CCSER1: variants seen among roughly 807,000 people sequenced by gnomAD.
CCSER1 encodes the protein serine-rich coiled-coil domain-containing protein 1.
In CCSER1, 41 loss-of-function variants were observed where a neutral mutation model predicts 82.0. That is an observed-to-expected ratio of 0.50 (90% CI 0.39 to 0.65). The LOEUF is 0.65. Ranked by LOEUF, CCSER1 falls within the 30% of genes least tolerant of loss-of-function variation. The pLI is 0.00. For synonymous variants in CCSER1, 414 were observed against 383.9 expected (o/e 1.08, Z -0.92); for missense variants, 1,119 against 1,064.2 (o/e 1.05, Z -0.72).
intron 8 of CCSER1, among the ~76,000 whole-genome samples, chr4:90,898,560 T>A (rs1724115095): frequency 6.6e-6 from 1 of 151,788 alleles, no homozygotes; most frequent in South Asian, 2.1e-4. Context: ...AGTGGTGGAA[T>A]TACAGGTGTG....
intron 5 of CCSER1, among the ~76,000 whole-genome samples, chr4:90,556,854 G>GTA (rs56675984): frequency 0.18 from 26,690 of 145,924 alleles, 2,481 homozygotes; most frequent in African/African-American, 0.21. Context: ...ATCTATATGT[G>GTA]TATATATATA....
At chr4:90,557,345 G>A (rs1185665576) in intron 5 of CCSER1, among the ~76,000 whole-genome samples, 1 of 151,968 alleles carries the variant, frequency 6.6e-6, no homozygotes, top group African/African-American at 2.4e-5. Flanking sequence ...TTTGGAGAAT[G>A]GAGAGTTAGG....
chr4:91,350,344 T>C (rs1205000880), intron 10 of CCSER1, among the ~76,000 whole-genome samples: 1 of 152,146 alleles, frequency 6.6e-6, no homozygotes, highest in Non-Finnish European at 1.5e-5. Flanking sequence ...TATAAATTGG[T>C]TATTATACTT....
At chr4:90,582,813 A>C (rs1781548928) in intron 5 of CCSER1, among the ~76,000 whole-genome samples, 1 of 152,226 alleles carries the variant, frequency 6.6e-6, no homozygotes, top group Admixed American at 6.5e-5. Flanking sequence ...AGAGTGAAGT[A>C]GAAAATTGAT....
At chr4:90,701,484 G>C (rs62314431) in intron 6 of CCSER1, among the ~76,000 whole-genome samples, 1 of 151,792 alleles carries the variant, frequency 6.6e-6, no homozygotes, top group Non-Finnish European at 1.5e-5. Context: ...TTTTGGTTCC[G>C]TATGAACTTT....
In CCSER1 at chr4:90,294,354, G is replaced by A. The variant is rs150274499; in HGVS notation, c.-41-13890G>A. ...AGCGAGACCCCGTTCTCCATAAAAA[G>A]GAAAAAAAATACAAAGTCTTTATAT... is the stretch of plus-strand genomic sequence containing the variant. On this transcript the variant is annotated intron_variant, in intron 1 of 10. Transcript: ENST00000509176. Among the ~76,000 whole-genome samples, 49 of 151,150 alleles carry A rather than the reference G, an allele frequency of 3.2e-4. No homozygotes were observed. The East Asian group carries it at 7.8e-3, about 24-fold the overall frequency.
chr4:91,185,753 C>T (rs550675960), intron 10 of CCSER1, among the ~76,000 whole-genome samples: 6 of 152,270 alleles, frequency 3.9e-5, no homozygotes, highest in East Asian at 3.9e-4. Context: ...CCCTATCTGG[C>T]GGCCTGACTC....
At chr4:90,723,729 T>C (rs1743118344) in intron 6 of CCSER1, among the ~76,000 whole-genome samples, 185 bp from the exon 7 acceptor site, 1 of 151,966 alleles carries the variant, frequency 6.6e-6, no homozygotes, top group Non-Finnish European at 1.5e-5. Flanking sequence ...TCCCAGATAA[T>C]CATTTCTGTA....
At chr4:90,336,418 C>G (rs1028128579) in intron 3 of CCSER1, among the ~76,000 whole-genome samples, 1 of 152,126 alleles carries the variant, frequency 6.6e-6, no homozygotes, top group African/African-American at 2.4e-5. Context: ...CACTTAGGAC[C>G]AATTTGAACT....
At chr4:91,420,821 TGATAGA>T (rs1254729772) in intron 10 of CCSER1, among the ~76,000 whole-genome samples, 2 of 152,044 alleles carry the variant, frequency 1.3e-5, no homozygotes, top group African/African-American at 2.4e-5. Context: ...ATAGAAAATG[TGATAGA>T]GATAGATAGA....
At chr4:90,914,716 A>G (rs1219175388) in intron 8 of CCSER1, among the ~76,000 whole-genome samples, 1 of 42,358 alleles carries the variant, frequency 2.4e-5, no homozygotes, top group South Asian at 4.1e-4. Context: ...CTTTTTATTG[A>G]AAAAAAAAAA....
intron 10 of CCSER1, among the ~76,000 whole-genome samples, chr4:91,389,303 G>A (rs1160189668): frequency 6.6e-6 from 1 of 151,976 alleles, no homozygotes; most frequent in Non-Finnish European, 1.5e-5. Flanking sequence ...TGGTTGTCCA[G>A]TTTTTCCAGC....
intron 10 of CCSER1, among the ~76,000 whole-genome samples, chr4:91,105,919 G>C (rs1240638527): frequency 6.6e-6 from 1 of 150,966 alleles, no homozygotes; most frequent in Non-Finnish European, 1.5e-5. Flanking sequence ...TATATGTTTT[G>C]CTGCAGAAAC....
intron 1 of CCSER1, among the ~76,000 whole-genome samples, chr4:90,155,276 T>C (rs1727850489): frequency 6.6e-6 from 1 of 152,106 alleles, no homozygotes; most frequent in South Asian, 2.1e-4. Context: ...TTGGATTCAG[T>C]TTGCCAGTAT....
Position 90,911,798 on chromosome 4 carries a change from G to A in CCSER1, c.2095-11572G>A, listed in dbSNP as rs142491098. Reference sequence around the variant, plus strand: ...TCCCAACCTAATACTGCGCTTTTCCGATGGTCTTAGCAAACGGCACACCAG... The same window carrying A: ...TCCCAACCTAATACTGCGCTTTTCCAATGGTCTTAGCAAACGGCACACCAG... On this transcript the variant is annotated intron_variant, in intron 8 of 10. Transcript: ENST00000509176. Among the ~76,000 whole-genome samples, 108 of 152,224 alleles carry A rather than the reference G, an allele frequency of 7.1e-4. No homozygotes were observed. The East Asian group carries it at 0.019, about 27-fold the overall frequency.
chr4:91,043,583 C>CTTTTTT (rs11364315), intron 9 of CCSER1, among the ~76,000 whole-genome samples: 7 of 71,600 alleles, frequency 9.8e-5, no homozygotes, highest in East Asian at 4.3e-4. Flanking sequence ...CATCAGCCTT[C>CTTTTTT]TTTTTTTTTT....
intron 6 of CCSER1, among the ~76,000 whole-genome samples, chr4:90,646,936 C>G (rs1036826136): frequency 3.9e-5 from 6 of 152,080 alleles, no homozygotes; most frequent in African/African-American, 1.4e-4. Context: ...GCTTAGTACT[C>G]TCTACAAATA....
At chr4:90,538,034 G>A (rs996548200) in intron 5 of CCSER1, among the ~76,000 whole-genome samples, 1 of 152,012 alleles carries the variant, frequency 6.6e-6, no homozygotes. Flanking sequence ...AAAGGGATGG[G>A]ACCTTTTAAA....
At chr4:91,416,169 G>C (rs1243561386) in intron 10 of CCSER1, among the ~76,000 whole-genome samples, 1 of 151,952 alleles carries the variant, frequency 6.6e-6, no homozygotes, top group Non-Finnish European at 1.5e-5. Flanking sequence ...TCTTCAAGGA[G>C]AACTACAAAC....
Sources: gnomAD v4.1 joint callset for allele counts (sites outside exome capture counted in the v4.1 genomes callset) on GRCh38, gnomAD v4.1.1 for gene constraint, MANE v1.5 for transcripts, NCBI Gene and HGNC (gene_info 2026-07-23, HGNC 2026-07-21) for gene names.